The following ENOX1 variants were observed in gnomAD, a reference collection of about 807,000 sequenced individuals.
ENOX1 encodes the protein ecto-NOX disulfide-thiol exchanger 1.
ENOX1 carries 42 observed loss-of-function variants against 82.5 expected under a neutral mutation model. That is an observed-to-expected ratio of 0.51 (90% CI 0.40 to 0.66). The LOEUF is 0.66. Among genes scored for constraint, ENOX1 ranks in the 30% least tolerant of loss-of-function variants. The pLI, the probability that ENOX1 is intolerant of heterozygous loss-of-function variation, is 0.00. For missense variants in ENOX1, 608 were observed against 811.6 expected (o/e 0.75, Z 3.05); for synonymous variants, 271 against 282.2 (o/e 0.96, Z 0.40).
chr13:43,404,901 A>G (rs1465269207), intron 5 of ENOX1, among the ~76,000 whole-genome samples: 2 of 152,330 alleles, frequency 1.3e-5, no homozygotes, highest in East Asian at 3.9e-4. Flanking sequence ...ATAGTGAGAA[A>G]TCTTTCAACA....
chr13:43,696,422 G>A (rs1219888667), intron 1 of ENOX1, among the ~76,000 whole-genome samples: 1 of 152,164 alleles, frequency 6.6e-6, no homozygotes, highest in African/African-American at 2.4e-5. Flanking sequence ...GATATATTTT[G>A]GTTCCTTCTG....
intron 2 of ENOX1, among the ~76,000 whole-genome samples, chr13:43,520,699 A>C (rs1403648121): frequency 6.6e-6 from 1 of 152,144 alleles, no homozygotes; most frequent in East Asian, 1.9e-4. Flanking sequence ...TGAGGATTTG[A>C]AAAGAAAGTG....
In ENOX1 at chr13:43,227,170, C is replaced by T. The variant is rs1019557454; in HGVS notation, c.1715-3032G>A. 2.6e-5 allele frequency among the ~76,000 whole-genome samples: 4 copies of T among 152,072 alleles called. No homozygotes were observed. The South Asian group carries it at 6.2e-4, about 24-fold the overall frequency. The stretch of plus-strand genomic sequence containing the variant: ...GGTTGATAACCCTTAGCCTAGGAGA[C>T]GAAGTGTTGACATGGGTCATTTAGG... On this transcript the variant is annotated intron_variant, in intron 15 of 16. Transcript: ENST00000690772.
At chr13:43,296,300 T>C (rs1384475406) in intron 12 of ENOX1, among the ~76,000 whole-genome samples, 1 of 152,150 alleles carries the variant, frequency 6.6e-6, no homozygotes, top group East Asian at 1.9e-4. Flanking sequence ...ATGAACAGTG[T>C]ATTTATAAAA....
At chr13:43,572,472 C>T (rs2080227696) in intron 2 of ENOX1, among the ~76,000 whole-genome samples, 1 of 152,168 alleles carries the variant, frequency 6.6e-6, no homozygotes, top group African/African-American at 2.4e-5. Flanking sequence ...AGGCTCACAG[C>T]TCAATGAAAA....
chr13:43,519,164 A>G lies in ENOX1; in HGVS notation c.-218-35012T>C, dbSNP rs566158385. Among the ~76,000 whole-genome samples, 69 of 152,244 alleles carry G rather than the reference A, an allele frequency of 4.5e-4. 1 individual carries two copies. The highest frequency in any genetic ancestry group is 2.0e-3 in the Admixed American group (31 of 15,284). On this transcript the variant is annotated intron_variant, in intron 2 of 16. Transcript: ENST00000690772. ...CATTTAGTTTGGAATTTTTGTGCTA[A>G]AGTTTCCCTAAGAGGTATTGTCAGA...
At chr13:43,549,467 A>G (rs1443497764) in intron 2 of ENOX1, among the ~76,000 whole-genome samples, 1 of 152,220 alleles carries the variant, frequency 6.6e-6, no homozygotes, top group East Asian at 1.9e-4. Flanking sequence ...AACGAGTAAA[A>G]TAACTAATTC....
intron 5 of ENOX1, among the ~76,000 whole-genome samples, chr13:43,399,955 C>T (rs530646734): frequency 6.6e-6 from 1 of 152,258 alleles, no homozygotes; most frequent in South Asian, 2.1e-4. Flanking sequence ...CATCAGCCCA[C>T]CCCTTTTTTC....
At chr13:43,782,311 A>G (rs1328129290) in intron 1 of ENOX1, among the ~76,000 whole-genome samples, 2 of 152,220 alleles carry the variant, frequency 1.3e-5, no homozygotes, top group African/African-American at 4.8e-5. Flanking sequence ...AGAAAATTTT[A>G]AGAAACATAA....
At chr13:43,432,604 C>G (rs2055745067) in intron 3 of ENOX1, among the ~76,000 whole-genome samples, 1 of 152,100 alleles carries the variant, frequency 6.6e-6, no homozygotes, top group African/African-American at 2.4e-5. Context: ...GATTGTACCA[C>G]TGCACTCCAG....
At position 43,745,916 on chromosome 13, in the gene ENOX1, G is replaced by C. The variant is rs146619404; in HGVS notation, c.-285+40736C>G. On this transcript the variant is annotated intron_variant, in intron 1 of 16. Transcript: ENST00000690772. ...GTTTGCTTCCCCTTCCGCCATGATT[G>C]TAAGTTTCCTGAGGCCTCCCAAGTC... Among the ~76,000 whole-genome samples, 409 of 152,230 alleles carry C rather than the reference G, an allele frequency of 2.7e-3. 4 individuals carry two copies. The highest frequency in any genetic ancestry group is 9.5e-3 in the African/African-American group (396 of 41,534).
chr13:43,671,605 C>T (rs1393717856), intron 1 of ENOX1, among the ~76,000 whole-genome samples: 4 of 152,094 alleles, frequency 2.6e-5, no homozygotes, highest in African/African-American at 7.2e-5. Context: ...TCTGACTCAC[C>T]CTGGGAAGTG....
intron 1 of ENOX1, among the ~76,000 whole-genome samples, chr13:43,668,243 T>C (rs1387379251): frequency 2.0e-5 from 3 of 152,208 alleles, no homozygotes; most frequent in Non-Finnish European, 2.9e-5. Context: ...CAACAGAATC[T>C]GCATTTTAAC....
intron 9 of ENOX1, among the ~76,000 whole-genome samples, chr13:43,340,669 C>A (rs1391576264): frequency 2.6e-5 from 4 of 152,164 alleles, no homozygotes; most frequent in Non-Finnish European, 5.9e-5. Context: ...AGCTATTGAG[C>A]TTTTTCTCTG....
chr13:43,609,806 T>C, intron 2 of ENOX1: 2 of 388,388 alleles, frequency 5.1e-6, no homozygotes, highest in Non-Finnish European at 7.0e-6. Flanking sequence ...ACAATTAATG[T>C]AAGGTGTATC....
chr13:43,263,319 A>G (rs960073591), intron 14 of ENOX1, among the ~76,000 whole-genome samples: 1 of 151,902 alleles, frequency 6.6e-6, no homozygotes, highest in Non-Finnish European at 1.5e-5. Flanking sequence ...CTTCACAAAT[A>G]TCTCCCCCAC....
At chr13:43,280,713 A>G (rs59133060) in intron 12 of ENOX1, among the ~76,000 whole-genome samples, 1,574 of 152,326 alleles carry the variant, frequency 0.01, 35 homozygotes, top group African/African-American at 0.036. Context: ...ACTTTAGTGA[A>G]GTTAATCCAA....
intron 13 of ENOX1, among the ~76,000 whole-genome samples, chr13:43,268,127 A>G (rs781004868): frequency 2.3e-4 from 35 of 152,176 alleles, no homozygotes; most frequent in Non-Finnish European, 3.5e-4. Context: ...TTTAGAGAAA[A>G]GAGAAATTCA....
intron 3 of ENOX1, among the ~76,000 whole-genome samples, chr13:43,457,872 A>C (rs1033088207): frequency 1.3e-5 from 2 of 151,970 alleles, no homozygotes; most frequent in African/African-American, 4.8e-5. Context: ...CTATATACTG[A>C]CTCTTACCAC....
Sources: gnomAD v4.1 joint callset for allele counts (sites outside exome capture counted in the v4.1 genomes callset) on GRCh38, gnomAD v4.1.1 for gene constraint, MANE v1.5 for transcripts, NCBI Gene and HGNC (gene_info 2026-07-23, HGNC 2026-07-21) for gene names.